MTMR7: variants seen among roughly 807,000 people sequenced by gnomAD.
The protein encoded by MTMR7 is myotubularin related protein 7.
In MTMR7, 76 loss-of-function variants were observed where a neutral mutation model predicts 81.2. That is an observed-to-expected ratio of 0.94 (90% CI 0.78 to 1.13). The LOEUF (loss-of-function observed/expected upper bound fraction) is 1.13, where lower values mean the gene tolerates loss of function less well. Among genes scored for constraint, MTMR7 ranks in the 50% most tolerant of loss-of-function variants. The pLI is 0.00. For synonymous variants in MTMR7, 372 were observed against 289.8 expected (o/e 1.28, Z -2.88); for missense variants, 1,044 against 820.0 (o/e 1.27, Z -3.34).
intron 1 of MTMR7, among the ~76,000 whole-genome samples, chr8:17,402,421 C>T (rs546580115): frequency 6.6e-6 from 1 of 152,146 alleles, no homozygotes; most frequent in Non-Finnish European, 1.5e-5. Context: ...ACTACCTTCC[C>T]CAGCCTCTGA....
intron 5 of MTMR7, among the ~76,000 whole-genome samples, chr8:17,343,391 C>T (rs972995907): frequency 1.3e-5 from 2 of 152,016 alleles, no homozygotes; most frequent in African/African-American, 4.8e-5. Flanking sequence ...GATTACACCA[C>T]TGCACTCCAG....
At chr8:17,390,803 C>A (rs914790263) in intron 1 of MTMR7, among the ~76,000 whole-genome samples, 1 of 152,162 alleles carries the variant, frequency 6.6e-6, no homozygotes, top group Admixed American at 6.5e-5. Flanking sequence ...ATCATCAGCT[C>A]TCATGAGAAC....
chr8:17,357,622 C>T (rs1819935289), intron 4 of MTMR7, among the ~76,000 whole-genome samples: 1 of 152,170 alleles, frequency 6.6e-6, no homozygotes, highest in Non-Finnish European at 1.5e-5. Context: ...TCCTGTACAT[C>T]GTTTCACTCA....
intron 6 of MTMR7, among the ~76,000 whole-genome samples, chr8:17,341,116 C>T (rs995243189): frequency 6.6e-6 from 1 of 152,194 alleles, no homozygotes; most frequent in Non-Finnish European, 1.5e-5. Flanking sequence ...CATTTGGGTG[C>T]CCCTGTGTGC....
At chr8:17,310,445 T>A (rs151117198) in intron 9 of MTMR7, among the ~76,000 whole-genome samples, 4 of 152,204 alleles carry the variant, frequency 2.6e-5, no homozygotes, top group African/African-American at 9.6e-5. Context: ...TTTCTTTGGG[T>A]TGTAAGTTTA....
At chr8:17,302,381 T>A (rs1817174663) in intron 12 of MTMR7, 101 bp from the exon 13 acceptor site, 2 of 1,312,166 alleles carry the variant, frequency 1.5e-6, no homozygotes, top group African/African-American at 1.5e-5. Flanking sequence ...GTCTTAATAA[T>A]AACCAAATGC....
Position 17,299,731 on chromosome 8 carries a change from T to C in MTMR7, c.*131A>G. The C allele has an allele frequency of 2.2e-6, 3 of 1,334,814 alleles. No individual in the cohort carries two copies. The highest frequency in any genetic ancestry group is 3.1e-6 in the Non-Finnish European group (3 of 980,250). The allele number at this position is 1,334,814 out of a possible 1,614,324, so 82.7% of individuals were successfully genotyped here. The stretch of plus-strand genomic sequence containing the variant: ...ATCAAGAACTGGGCACTTTTTTCCC[T>C]TTTCATAGCTGCATTAAAGTAGTTC... On this transcript the variant is annotated 3_prime_UTR_variant, in exon 14 of 14. Coordinates refer to ENST00000180173, the MANE Select transcript of MTMR7 (RefSeq NM_004686.5).
chr8:17,406,781 C>G (rs767427989), intron 1 of MTMR7, among the ~76,000 whole-genome samples: 2 of 152,092 alleles, frequency 1.3e-5, no homozygotes, highest in Non-Finnish European at 2.9e-5. Flanking sequence ...AGCCACAGAA[C>G]AGATAAAACG....
At chr8:17,349,710 C>T (rs562893338) in intron 4 of MTMR7, among the ~76,000 whole-genome samples, 17 of 152,180 alleles carry the variant, frequency 1.1e-4, no homozygotes, top group Non-Finnish European at 2.1e-4. Flanking sequence ...CAGATTACCG[C>T]GCAATGTAAC....
chr8:17,299,965 A>C lies in MTMR7; in HGVS notation c.1880T>G (p.Val627Gly). 6.2e-7 allele frequency: 1 copy of C among 1,613,892 alleles called. No individual in the cohort carries two copies. Among genetic ancestry groups the C allele is most frequent in the Non-Finnish European group, 8.5e-7 (1 of 1,179,970 alleles). ...LSANSDQESGVEDLSCRSPSG... is the reference protein window; with the variant it reads ...LSANSDQESGGEDLSCRSPSG... ...TGGAGACCGACAGCTCAAATCCTCC[A>C]CCCCGGACTCTTGGTCACTGTTGGC... Residue 627 changes from valine (V) to glycine (G), a missense_variant, in exon 14 of 14, where the codon GTG becomes GGG. Val to Gly is a moderately radical substitution (Grantham distance 109). Transcript: ENST00000180173.
chr8:17,394,759 CTGAG>C (rs1323828346), intron 1 of MTMR7, among the ~76,000 whole-genome samples: 2 of 152,134 alleles, frequency 1.3e-5, no homozygotes, highest in South Asian at 2.1e-4. Flanking sequence ...AGAATTTTAA[CTGAG>C]TGTCTGACAT....
chr8:17,389,754 CG>C (rs1431493538), intron 1 of MTMR7, among the ~76,000 whole-genome samples: 7 of 151,350 alleles, frequency 4.6e-5, no homozygotes, highest in African/African-American at 1.7e-4. Flanking sequence ...AGAGCAGAGA[CG>C]GGGAAAAAAT....
chr8:17,389,700 T>G (rs2150576930), intron 1 of MTMR7, among the ~76,000 whole-genome samples: 1 of 152,194 alleles, frequency 6.6e-6, no homozygotes. Context: ...AGACAGGAAG[T>G]TAGGAAAGAT....
At chr8:17,412,671 C>A (rs1407045520) in intron 1 of MTMR7, among the ~76,000 whole-genome samples, 3 of 152,136 alleles carry the variant, frequency 2.0e-5, no homozygotes, top group African/African-American at 7.2e-5. Flanking sequence ...CTCTAACGAA[C>A]AAAACGGACT....
chr8:17,401,100 T>C (rs899624133), intron 1 of MTMR7, among the ~76,000 whole-genome samples: 37 of 152,100 alleles, frequency 2.4e-4, no homozygotes, highest in Admixed American at 2.4e-3. Flanking sequence ...AATGTATGCA[T>C]GTGTGTGGTA....
intron 6 of MTMR7, among the ~76,000 whole-genome samples, chr8:17,332,192 C>G (rs1314799323): frequency 6.6e-6 from 1 of 151,664 alleles, no homozygotes; most frequent in Non-Finnish European, 1.5e-5. Flanking sequence ...CTAACCCAGG[C>G]AGAGAACCTA....
chr8:17,340,145 G>T (rs1265022713), intron 6 of MTMR7, among the ~76,000 whole-genome samples: 1 of 152,200 alleles, frequency 6.6e-6, no homozygotes, highest in African/African-American at 2.4e-5. Context: ...TAGAGATGAG[G>T]TTTCACCATG....
chr8:17,310,393 A>G (rs907264936), intron 9 of MTMR7, among the ~76,000 whole-genome samples: 3 of 152,178 alleles, frequency 2.0e-5, no homozygotes, highest in Admixed American at 6.5e-5. Context: ...CTTACAAAGA[A>G]ATATGAACTA....
At position 17,299,912 on chromosome 8, in the gene MTMR7, C is replaced by T; in HGVS notation, c.1933G>A (p.Asp645Asn). 1.2e-6 allele frequency: 2 copies of T among 1,614,182 alleles called. No homozygotes were observed. Among genetic ancestry groups the T allele is most frequent in the South Asian group, 2.2e-5 (2 of 91,084 alleles). The change falls in exon 14 of 14, where the codon GAT becomes AAT. Residue 645 changes from aspartate to asparagine, a missense_variant. By Grantham distance (23) the Asp-to-Asn change is conservative. Transcript: ENST00000180173. Reference protein sequence around the residue: ...PSGGEHAPSEDSGKDRDSDEA... With the variant: ...PSGGEHAPSENSGKDRDSDEA... ...TCAGAATCCCGGTCCTTGCCACTAT[C>T]TTCACTCGGTGCATGCTCACCACCA...
Sources: allele counts gnomAD v4.1 joint callset (sites outside exome capture counted in the v4.1 genomes callset), GRCh38; gene constraint gnomAD v4.1.1; transcripts MANE v1.5; gene names NCBI Gene and HGNC (gene_info 2026-07-23, HGNC 2026-07-21).